Variants in MC2R observed in about 807,000 individuals in gnomAD.
MC2R encodes melanocortin 2 receptor.
In MC2R, 9 loss-of-function variants were observed where a neutral mutation model predicts 9.8. The ratio of observed to expected loss-of-function variants is 0.92; its 90% CI spans 0.55 to 1.60. The LOEUF (loss-of-function observed/expected upper bound fraction) is 1.60, where lower values mean the gene tolerates loss of function less well. Ranked by LOEUF, MC2R falls within the 40% of genes most tolerant of loss-of-function variation. MC2R has a pLI of 0.00. For synonymous variants in MC2R, 185 were observed against 154.7 expected, an observed-to-expected ratio of 1.20 and a Z score of -1.45; for missense variants, 370 against 389.0, an observed-to-expected ratio of 0.95 and a Z score of 0.41.
intron 1 of MC2R, among the ~76,000 whole-genome samples, chr18:13,912,967 C>T (rs920882366): frequency 1.4e-4 from 21 of 152,102 alleles, no homozygotes; most frequent in Admixed American, 1.2e-3. Flanking sequence ...AAGCATCTCT[C>T]GGTGTGATCA....
intron 1 of MC2R, among the ~76,000 whole-genome samples, chr18:13,906,247 C>CATAAAATACACATA (rs1286721592): frequency 6.6e-6 from 1 of 152,098 alleles, no homozygotes; most frequent in African/African-American, 2.4e-5. Flanking sequence ...TACTATGCAG[C>CATAAAATACACATA]CATAAAAAGG....
At chr18:13,902,113 A>G (rs978114232) in intron 1 of MC2R, among the ~76,000 whole-genome samples, 14 of 113,816 alleles carry the variant, frequency 1.2e-4, no homozygotes, top group African/African-American at 4.9e-4. Flanking sequence ...GCAAAATACA[A>G]TGTGATATAT....
chr18:13,902,066 C>T (rs2045383402), intron 1 of MC2R, among the ~76,000 whole-genome samples: 1 of 151,880 alleles, frequency 6.6e-6, no homozygotes, highest in African/African-American at 2.4e-5. Flanking sequence ...GGATTTTTTC[C>T]CTAGGATGCA....
chr18:13,898,118 C>A (rs1408141744), intron 1 of MC2R, among the ~76,000 whole-genome samples: 1 of 152,120 alleles, frequency 6.6e-6, no homozygotes, highest in Non-Finnish European at 1.5e-5. Context: ...CATTTCTGGA[C>A]CAGCCCTGGG....
chr18:13,906,261 C>A (rs1184602129), intron 1 of MC2R, among the ~76,000 whole-genome samples: 2 of 152,126 alleles, frequency 1.3e-5, no homozygotes, highest in African/African-American at 4.8e-5. Flanking sequence ...AAAAAGGAAT[C>A]AGATCGTGTC....
At chr18:13,898,782 C>T (rs2045361944) in intron 1 of MC2R, among the ~76,000 whole-genome samples, 1 of 152,210 alleles carries the variant, frequency 6.6e-6, no homozygotes, top group African/African-American at 2.4e-5. Context: ...AAGGTGGTAC[C>T]TCTATGAGTC....
intron 1 of MC2R, among the ~76,000 whole-genome samples, chr18:13,914,222 C>A (rs1231126344): frequency 6.6e-6 from 1 of 152,202 alleles, no homozygotes; most frequent in Non-Finnish European, 1.5e-5. Flanking sequence ...CCCTCCTCCA[C>A]CCCTGCCGCG....
At chr18:13,908,557 G>A (rs1175783975) in intron 1 of MC2R, among the ~76,000 whole-genome samples, 1 of 152,158 alleles carries the variant, frequency 6.6e-6, no homozygotes, top group East Asian at 1.9e-4. Context: ...AGACTTTAGG[G>A]TGATAGATAT....
chr18:13,884,625 C>A lies in MC2R; in HGVS notation c.894G>T (p.Ter298TyrextTer3). Residue 298 changes from the stop codon to tyrosine (Y), a stop_lost, in exon 2 of 2, where the codon TAG (stop) becomes TAT (tyrosine). Coordinates refer to ENST00000327606, the MANE Select transcript of MC2R (RefSeq NM_000529.2). Reference protein sequence around the residue: ...KKMIFCSRYW* With the variant: ...KKMIFCSRYWY The stretch of plus-strand genomic sequence containing the variant: ...ATTCTAAAACCAGGGATCAGCCATT[C>A]TACCAGTACCTGCTGCAGAAGATCA... The A allele has an allele frequency of 6.2e-7, 1 of 1,612,176 alleles. No homozygotes were observed. The highest frequency in any genetic ancestry group is 8.5e-7 in the Non-Finnish European group (1 of 1,180,024).
chr18:13,888,801 T>C (rs1293500467), intron 1 of MC2R, among the ~76,000 whole-genome samples: 1 of 152,208 alleles, frequency 6.6e-6, no homozygotes, highest in Non-Finnish European at 1.5e-5. Flanking sequence ...ACTCACTCCA[T>C]TTAAACTTCA....
At chr18:13,910,226 T>A (rs2045436883) in intron 1 of MC2R, among the ~76,000 whole-genome samples, 1 of 152,228 alleles carries the variant, frequency 6.6e-6, no homozygotes, top group Non-Finnish European at 1.5e-5. Flanking sequence ...ATCACCTGGC[T>A]ATATTTGTGT....
chr18:13,913,381 CTG>C (rs1408708788), intron 1 of MC2R, among the ~76,000 whole-genome samples: 1 of 152,156 alleles, frequency 6.6e-6, no homozygotes, highest in Non-Finnish European at 1.5e-5. Context: ...CAAACGCTTG[CTG>C]CCCCCAGGTT....
At position 13,885,090 on chromosome 18, in the gene MC2R, G is replaced by T. The variant is rs138421793; in HGVS notation, c.429C>A (p.Thr143=). ...TAAGCACCACCACAGTGCGGCGCAT[G>T]GTCACGATGCTGTGGTACCGCAGTG... ...FHALRYHSIV[T]MRRTVVVLTV... The change falls in exon 2 of 2, where the codon ACC becomes ACA. Residue 143 remains threonine (T), a synonymous_variant. Transcript: ENST00000327606. 9 of 1,614,158 alleles carry T rather than the reference G, an allele frequency of 5.6e-6. No homozygotes were observed. The highest frequency in any genetic ancestry group is 7.6e-6 in the Non-Finnish European group (9 of 1,180,034).
chr18:13,910,653 C>A (rs1002796631), intron 1 of MC2R, among the ~76,000 whole-genome samples: 3 of 152,174 alleles, frequency 2.0e-5, no homozygotes, highest in African/African-American at 7.2e-5. Context: ...GGAGAGACAG[C>A]TGCTGCCAGA....
chr18:13,888,836 C>A (rs1261098032), intron 1 of MC2R, among the ~76,000 whole-genome samples: 1 of 152,206 alleles, frequency 6.6e-6, no homozygotes, highest in African/African-American at 2.4e-5. Flanking sequence ...GAGGTGGCGT[C>A]AATGATCCAA....
rs2045252566 is a variant in MC2R, at chr18:13,883,683, T to C, written c.*942A>G. On this transcript the variant is annotated 3_prime_UTR_variant, in exon 2 of 2. Transcript: ENST00000327606. Reference sequence around the variant, plus strand: ...GTCTGTCTCTGTCTCTCTCTCTTTATTTCTTAAAATACATGTTGGGGCTCT... The same window carrying C: ...GTCTGTCTCTGTCTCTCTCTCTTTACTTCTTAAAATACATGTTGGGGCTCT... 6.6e-6 allele frequency: 1 copy of C among 151,562 alleles called. No individual in the cohort carries two copies. Among genetic ancestry groups the C allele is most frequent in the Non-Finnish European group, 1.5e-5 (1 of 68,014 alleles). 9.4% of individuals were successfully genotyped at this position (151,562 alleles called of 1,614,324 possible).
At position 13,884,376 on chromosome 18, in the gene MC2R, A is replaced by G. The variant is rs1005239927; in HGVS notation, c.*249T>C. On this transcript the variant is annotated 3_prime_UTR_variant, in exon 2 of 2. Transcript: ENST00000327606. Reference sequence around the variant, plus strand: ...ACCTTAATTACTTTTGTACCTACCTAATACTTTGTATTCTATCCTTCTTTT... The same window carrying G: ...ACCTTAATTACTTTTGTACCTACCTGATACTTTGTATTCTATCCTTCTTTT... 1.6e-5 allele frequency: 9 copies of G among 566,840 alleles called. No individual in the cohort carries two copies. In the African/African-American group the frequency reaches 1.7e-4, roughly 11 times the overall value. 35.1% of individuals were successfully genotyped at this position (566,840 alleles called of 1,614,324 possible).
intron 1 of MC2R, among the ~76,000 whole-genome samples, chr18:13,914,348 G>C (rs1251446957): frequency 6.6e-6 from 1 of 152,174 alleles, no homozygotes; most frequent in African/African-American, 2.4e-5. Flanking sequence ...AGTGTGCGCT[G>C]TCCTCAGCGC....
At chr18:13,885,772 T>C in intron 1 of MC2R, 126 bp from the exon 2 acceptor site, 1 of 485,204 alleles carries the variant, frequency 2.1e-6, no homozygotes, top group Non-Finnish European at 3.7e-6. Flanking sequence ...AGAAGGAGCC[T>C]GCACATGTAT....
Sources: allele counts gnomAD v4.1 joint callset (sites outside exome capture counted in the v4.1 genomes callset), GRCh38; gene constraint gnomAD v4.1.1; transcripts MANE v1.5; gene names NCBI Gene and HGNC (gene_info 2026-07-23, HGNC 2026-07-21).